CASZ1: variants seen among roughly 807,000 people sequenced by gnomAD.
The protein encoded by CASZ1 is zinc finger protein castor homolog 1.
In CASZ1, 28 loss-of-function variants were observed where a neutral mutation model predicts 135.2. The observed-to-expected ratio is 0.21, with a 90% CI of 0.15 to 0.28. The LOEUF (loss-of-function observed/expected upper bound fraction) is 0.28. CASZ1 is among the 10% of genes least tolerant of loss of function. The probability of loss-of-function intolerance (pLI) is 1.00; values close to 1 mark genes in which losing one functional copy is unlikely to be tolerated. For missense variants in CASZ1, 2,161 were observed against 2,453.3 expected, an observed-to-expected ratio of 0.88 and a Z score of 2.52; for synonymous variants, 1,068 against 1,073.4, an observed-to-expected ratio of 0.99 and a Z score of 0.10.
rs1434989919 is a variant in CASZ1, at chr1:10,700,636, T to C, written c.-24+4856A>G. Among the ~76,000 whole-genome samples, 2 of 152,130 alleles carry C rather than the reference T, an allele frequency of 1.3e-5. No individual in the cohort carries two copies. The highest frequency in any genetic ancestry group is 4.8e-5 in the African/African-American group (2 of 41,418). ...AGCTCTGGAGTCTCAGTACCTGGGT[T>C]CACACCGCAGCTCCATCTTCTACAG... On this transcript the variant is annotated intron_variant, in intron 3 of 20. Coordinates refer to ENST00000377022, the MANE Select transcript of CASZ1 (RefSeq NM_001079843.3). This position sits in a 1 kb window ranked among gnomAD's most constrained non-coding sequence, Gnocchi z 4.2.
chr1:10,693,104 A>G lies in CASZ1; in HGVS notation c.16+770T>C, dbSNP rs560106179. Among the ~76,000 whole-genome samples, 9 of 152,310 alleles carry G rather than the reference A, an allele frequency of 5.9e-5. No individual in the cohort carries two copies. The South Asian group carries it at 1.9e-3, about 32-fold the overall frequency. ...GGATAAACTGCCCCAGGTGAGCACC[A>G]GGCCTCCTGGAGCCCCCGGCCTTGT... On this transcript the variant is annotated intron_variant, in intron 4 of 20. Transcript: ENST00000377022.
Position 10,644,983 on chromosome 1 carries a change from T to C in CASZ1, c.3802A>G (p.Lys1268Glu). The C allele has an allele frequency of 6.2e-7, 1 of 1,614,038 alleles. No homozygotes were observed. The highest frequency in any genetic ancestry group is 8.5e-7 in the Non-Finnish European group (1 of 1,180,014). ...CCATTGGCTGCCCGCCGCTCCGCCT[T>C]CTCATGCTTCTTGATGTGCCAGGGG... is the stretch of plus-strand genomic sequence containing the variant. ...KLPWHIKKHEKAERRAANGFK... is the reference protein window; with the variant it reads ...KLPWHIKKHEEAERRAANGFK... Residue 1268 changes from lysine (K) to glutamate (E), a missense_variant, in exon 18 of 21, where the codon AAG becomes GAG. Physicochemically the swap from Lys to Glu is moderately conservative, Grantham distance 56. Transcript: ENST00000377022.
intron 4 of CASZ1, among the ~76,000 whole-genome samples, chr1:10,677,898 G>A (rs1236017685): frequency 6.6e-6 from 1 of 152,242 alleles, no homozygotes; most frequent in East Asian, 1.9e-4. Context: ...TGCGGTGTGC[G>A]AGGCCTGGAA....
chr1:10,639,245 C>T lies in CASZ1; in HGVS notation c.4977G>A (p.Pro1659=), dbSNP rs1004024675. Residue 1659 remains proline (P), a synonymous_variant, in exon 21 of 21, where the codon CCG becomes CCA. Transcript: ENST00000377022. The surrounding 1 kb of genome is among the most constrained non-coding windows in gnomAD (Gnocchi z 4.0). ...PGPPDAAAPG[P]REGAAAAAAA... ...CGGCGGCGGCGGCGGCGCCCTCGCGCGGCCCGGGGGCGGCGGCGTCGGGCG... is the reference window on the plus strand; with the variant it reads ...CGGCGGCGGCGGCGGCGCCCTCGCGTGGCCCGGGGGCGGCGGCGTCGGGCG... 6.5e-6 allele frequency: 6 copies of T among 929,172 alleles called. No individual in the cohort carries two copies. The African/African-American group carries it at 9.1e-5, about 14-fold the overall frequency. 57.6% of individuals were successfully genotyped at this position (929,172 alleles called of 1,614,324 possible).
At chr1:10,645,374 C>CA (rs1464523063) in intron 17 of CASZ1, among the ~76,000 whole-genome samples, 1 of 152,082 alleles carries the variant, frequency 6.6e-6, no homozygotes, top group Non-Finnish European at 1.5e-5. Flanking sequence ...ACTAAAAATA[C>CA]AAAAAATTAG....
chr1:10,676,697 G>A lies in CASZ1; in HGVS notation c.17-11126C>T, dbSNP rs975373914. Among the ~76,000 whole-genome samples the A allele has an allele frequency of 6.6e-5, 10 of 152,176 alleles. No homozygotes were observed. Among genetic ancestry groups the A allele is most frequent in the African/African-American group, 1.7e-4 (7 of 41,438 alleles). ...CAGCTCAGAAACGAGCCCCTGGCCC[G>A]GGGCGAGCAGCCCCACAGTTTCCTG... On this transcript the variant is annotated intron_variant, in intron 4 of 20. Transcript: ENST00000377022. This position sits in a 1 kb window ranked among gnomAD's most constrained non-coding sequence, Gnocchi z 4.5.
At position 10,709,143 on chromosome 1, in the gene CASZ1, T is replaced by C. The variant is rs1374783703; in HGVS notation, c.-76-3599A>G. 6.6e-6 allele frequency among the ~76,000 whole-genome samples: 1 copy of C among 152,104 alleles called. No homozygotes were observed. The highest frequency in any genetic ancestry group is 1.5e-5 in the Non-Finnish European group (1 of 67,980). Reference sequence around the variant, plus strand: ...TGGTCCAGGACTTGGCTTTGGAGCCTCTCACCCACAGCTGCCCAGCTCCAT... The same window carrying C: ...TGGTCCAGGACTTGGCTTTGGAGCCCCTCACCCACAGCTGCCCAGCTCCAT... On this transcript the variant is annotated intron_variant, in intron 2 of 20. Coordinates refer to ENST00000377022, the MANE Select transcript of CASZ1 (RefSeq NM_001079843.3). This position sits in a 1 kb window ranked among gnomAD's most constrained non-coding sequence, Gnocchi z 5.1.
In CASZ1 at chr1:10,706,018, CAA is replaced by C. The variant is rs1185550089; in HGVS notation, c.-76-476_-76-475del. 6.6e-6 allele frequency among the ~76,000 whole-genome samples: 1 copy of C among 152,220 alleles called. No homozygotes were observed. Among genetic ancestry groups the C allele is most frequent in the African/African-American group, 2.4e-5 (1 of 41,450 alleles). ...CCCTGAACATAAAAATGACAAATGC[CAA>C]ACTGTTCGCTCTAGCAAGTTGGTGA... On this transcript the variant is annotated intron_variant, in intron 2 of 20. Coordinates refer to ENST00000377022, the MANE Select transcript of CASZ1 (RefSeq NM_001079843.3). The surrounding 1 kb of genome is among the most constrained non-coding windows in gnomAD (Gnocchi z 4.3).
intron 4 of CASZ1, among the ~76,000 whole-genome samples, chr1:10,670,218 G>A (rs765240224): frequency 3.9e-5 from 6 of 152,334 alleles, no homozygotes; most frequent in Non-Finnish European, 7.4e-5. Flanking sequence ...TGTGCTGGGT[G>A]CCTTACAGTG....
At chr1:10,665,603 A>C in intron 4 of CASZ1, 32 bp from the exon 5 acceptor site, 1 of 1,503,076 alleles carries the variant, frequency 6.7e-7, no homozygotes, top group Non-Finnish European at 8.8e-7. Flanking sequence ...CGGAGGTCAG[A>C]GGCGTGCAAG....
chr1:10,713,602 C>T (rs1022387118), intron 2 of CASZ1, among the ~76,000 whole-genome samples: 5 of 152,212 alleles, frequency 3.3e-5, no homozygotes, highest in African/African-American at 9.6e-5. Flanking sequence ...TGGAGGCTCC[C>T]GGAAGGCAGG....
chr1:10,646,462 C>T lies in CASZ1; in HGVS notation c.3498-136G>A. On this transcript the variant is annotated intron_variant, in intron 16 of 20. Transcript: ENST00000377022. This position sits in a 1 kb window ranked among gnomAD's most constrained non-coding sequence, Gnocchi z 6.4. Reference sequence around the variant, plus strand: ...AAGAGGGATGGCCTGGGCTGCTGTCCTGCTCAACAGGATGACTCAGCTGGA... The same window carrying T: ...AAGAGGGATGGCCTGGGCTGCTGTCTTGCTCAACAGGATGACTCAGCTGGA... 1.3e-6 allele frequency: 1 copy of T among 780,240 alleles called. No homozygotes were observed. The highest frequency in any genetic ancestry group is 2.1e-6 in the Non-Finnish European group (1 of 468,114). The allele number at this position is 780,240 out of a possible 1,614,324, so 48.3% of individuals were successfully genotyped here.
rs954752151 is a variant in CASZ1, at chr1:10,709,854, G to A, written c.-76-4310C>T. Among the ~76,000 whole-genome samples, 1 of 152,176 alleles carries A rather than the reference G, an allele frequency of 6.6e-6. No individual in the cohort carries two copies. Among genetic ancestry groups the A allele is most frequent in the African/African-American group, 2.4e-5 (1 of 41,444 alleles). ...CAGTTAGCAGGACAATGAGGGGGCC[G>A]GCGGCCCGCACAGGCCAGCAGGTGC... On this transcript the variant is annotated intron_variant, in intron 2 of 20. Coordinates refer to ENST00000377022, the MANE Select transcript of CASZ1 (RefSeq NM_001079843.3). The surrounding 1 kb of genome is among the most constrained non-coding windows in gnomAD (Gnocchi z 5.1).
intron 1 of CASZ1, among the ~76,000 whole-genome samples, chr1:10,778,487 C>T (rs1339565757): frequency 6.6e-6 from 1 of 152,170 alleles, no homozygotes; most frequent in Non-Finnish European, 1.5e-5. Flanking sequence ...CTCACAATCA[C>T]AGTCTCAAAC....
rs1454574617 is a variant in CASZ1 at position 10,646,045 on chromosome 1, GA to G, written c.3696+82del. 7.6e-6 allele frequency: 10 copies of G among 1,317,474 alleles called. No individual in the cohort carries two copies. Among genetic ancestry groups the G allele is most frequent in the Non-Finnish European group, 1.1e-5 (10 of 920,446 alleles). The allele number at this position is 1,317,474 out of a possible 1,614,324, so 81.6% of individuals were successfully genotyped here. ...GTGTGAGAAATGGAGCCTCTGCCAG[GA>G]GGTGACTGTCCTGTGCCCTGAGCTA... On this transcript the variant is annotated intron_variant, in intron 17 of 20. Coordinates refer to ENST00000377022, the MANE Select transcript of CASZ1 (RefSeq NM_001079843.3). The surrounding 1 kb of genome is among the most constrained non-coding windows in gnomAD (Gnocchi z 6.4).
At position 10,642,855 on chromosome 1, in the gene CASZ1, T is replaced by C; in HGVS notation, c.4162+4A>G. 6.2e-7 allele frequency: 1 copy of C among 1,611,810 alleles called. No individual in the cohort carries two copies. ...CCTGCCAGCAGCCCCTGCCTGCCGCTCACCTGCCGCGGTGCTCTCGTTACC... is the reference window on the plus strand; with the variant it reads ...CCTGCCAGCAGCCCCTGCCTGCCGCCCACCTGCCGCGGTGCTCTCGTTACC... On this transcript the variant is annotated splice_donor_region_variant and intron_variant, in intron 20 of 20. Transcript: ENST00000377022.
At chr1:10,685,499 C>T (rs1286703812) in intron 4 of CASZ1, among the ~76,000 whole-genome samples, 1 of 152,240 alleles carries the variant, frequency 6.6e-6, no homozygotes, top group African/African-American at 2.4e-5. Context: ...TCACACCTTC[C>T]TCCCTCTCTC....
At chr1:10,670,605 G>A (rs1643369191) in intron 4 of CASZ1, among the ~76,000 whole-genome samples, 1 of 152,242 alleles carries the variant, frequency 6.6e-6, no homozygotes, top group African/African-American at 2.4e-5. Context: ...TGGGCACACA[G>A]GCAGCCCTGG....
chr1:10,781,840 A>G (rs1640768311), intron 1 of CASZ1, among the ~76,000 whole-genome samples: 1 of 152,192 alleles, frequency 6.6e-6, no homozygotes, highest in African/African-American at 2.4e-5. Flanking sequence ...CTCTTTTACA[A>G]GTGAGAAAGC....
Sources: allele counts gnomAD v4.1 joint callset (sites outside exome capture counted in the v4.1 genomes callset), GRCh38; gene constraint gnomAD v4.1.1; non-coding constraint Gnocchi (gnomAD v3.1); transcripts MANE v1.5; gene names NCBI Gene and HGNC (gene_info 2026-07-23, HGNC 2026-07-21).